The following MTUS2 variants were observed in gnomAD, a reference collection of about 807,000 sequenced individuals.
MTUS2 encodes the protein microtubule-associated tumor suppressor candidate 2.
MTUS2 carries 40 observed loss-of-function variants against 114.1 expected under a neutral mutation model. The observed-to-expected ratio is 0.35, with a 90% CI of 0.27 to 0.46. The LOEUF (loss-of-function observed/expected upper bound fraction) is 0.46, where lower values mean the gene tolerates loss of function less well. Among genes scored for constraint, MTUS2 ranks in the 20% least tolerant of loss-of-function variants. The pLI is 1.00. For synonymous variants in MTUS2, 688 were observed against 672.0 expected, an observed-to-expected ratio of 1.02 and a Z score of -0.37; for missense variants, 1,679 against 1,705.4, an observed-to-expected ratio of 0.98 and a Z score of 0.27.
At chr13:28,902,622 T>A (rs1879711449) in intron 2 of MTUS2, among the ~76,000 whole-genome samples, 1 of 152,186 alleles carries the variant, frequency 6.6e-6, no homozygotes, top group African/African-American at 2.4e-5. Flanking sequence ...TATAGTGGAT[T>A]ACATTGATTG....
intron 7 of MTUS2, among the ~76,000 whole-genome samples, chr13:29,346,612 G>GCGGGACTTTCAGT (rs1336084469): frequency 6.9e-5 from 2 of 28,858 alleles, no homozygotes; most frequent in Non-Finnish European, 1.3e-4. Context: ...GCTGAGAAAG[G>GCGGGACTTTCAGT]TTTCACGTCT....
chr13:29,342,617 G>A (rs769482665), intron 7 of MTUS2, among the ~76,000 whole-genome samples: 3 of 152,066 alleles, frequency 2.0e-5, no homozygotes, highest in Non-Finnish European at 4.4e-5. Context: ...GCGACAGTTT[G>A]ACTTTCTCTT....
chr13:29,107,379 T>A (rs150455116), intron 5 of MTUS2, among the ~76,000 whole-genome samples: 1 of 152,164 alleles, frequency 6.6e-6, no homozygotes. Flanking sequence ...ATAGAAACTT[T>A]TTCTCTTATG....
chr13:29,253,531 A>G (rs1897196914), intron 5 of MTUS2, among the ~76,000 whole-genome samples: 1 of 152,154 alleles, frequency 6.6e-6, no homozygotes, highest in Admixed American at 6.6e-5. Flanking sequence ...CCTCCAGCCC[A>G]GCGTCTGTCC....
intron 6 of MTUS2, among the ~76,000 whole-genome samples, chr13:29,314,369 A>G (rs998424711): frequency 2.6e-5 from 4 of 152,346 alleles, no homozygotes; most frequent in South Asian, 2.1e-4. Context: ...CAAGGCAGCT[A>G]TTAAACCCAG....
intron 7 of MTUS2, among the ~76,000 whole-genome samples, chr13:29,336,075 G>T (rs1463293882): frequency 6.6e-6 from 1 of 152,124 alleles, no homozygotes; most frequent in Non-Finnish European, 1.5e-5. Flanking sequence ...ATTCTAGTTA[G>T]CAATTCCTCT....
intron 6 of MTUS2, among the ~76,000 whole-genome samples, chr13:29,305,094 C>G (rs900530401): frequency 2.6e-5 from 4 of 152,024 alleles, no homozygotes; most frequent in African/African-American, 4.8e-5. Context: ...CTAATGAGAA[C>G]AAAGAGGCAA....
At chr13:29,287,120 G>A (rs552895363) in intron 6 of MTUS2, among the ~76,000 whole-genome samples, 77 of 152,340 alleles carry the variant, frequency 5.1e-4, no homozygotes, top group African/African-American at 1.8e-3. Flanking sequence ...GAAACGAGTT[G>A]TCCAAGGTCA....
chr13:28,870,897 A>T (rs945738427), intron 2 of MTUS2, among the ~76,000 whole-genome samples: 1 of 152,194 alleles, frequency 6.6e-6, no homozygotes, highest in African/African-American at 2.4e-5. Context: ...GCCTCTATTT[A>T]TAAATTTATG....
intron 9 of MTUS2, among the ~76,000 whole-genome samples, chr13:29,441,770 A>G (rs941150673): frequency 4.6e-5 from 7 of 152,044 alleles, no homozygotes; most frequent in African/African-American, 1.7e-4. Context: ...GCATGCACAC[A>G]TTGTACATGT....
intron 5 of MTUS2, among the ~76,000 whole-genome samples, chr13:29,133,114 A>G (rs1371087011): frequency 4.6e-5 from 7 of 151,906 alleles, no homozygotes; most frequent in African/African-American, 1.7e-4. Context: ...CATAATGATT[A>G]GTGAGGTTGA....
intron 8 of MTUS2, among the ~76,000 whole-genome samples, chr13:29,416,481 C>CAT (rs1269045289): frequency 2.7e-5 from 4 of 150,398 alleles, no homozygotes; most frequent in East Asian, 3.9e-4. Context: ...TTATGTATAG[C>CAT]ATATATATAT....
Position 28,876,613 on chromosome 13 carries a change from A to G in MTUS2, c.-243+36763A>G, listed in dbSNP as rs1487523478. Among the ~76,000 whole-genome samples, 9 of 152,078 alleles carry G rather than the reference A, an allele frequency of 5.9e-5. No individual in the cohort carries two copies. In the East Asian group the frequency reaches 1.7e-3, roughly 29 times the overall value. On this transcript the variant is annotated intron_variant, in intron 2 of 15. Transcript: ENST00000612955. ...TCCAAAAGTGTCCATGAAAGTTATCACCCTCTTTGTGGGTCTTTGGCCTAG... is the reference window on the plus strand; with the variant it reads ...TCCAAAAGTGTCCATGAAAGTTATCGCCCTCTTTGTGGGTCTTTGGCCTAG...
At chr13:29,236,227 C>T (rs2139378511) in intron 5 of MTUS2, among the ~76,000 whole-genome samples, 1 of 152,256 alleles carries the variant, frequency 6.6e-6, no homozygotes, top group East Asian at 1.9e-4. Context: ...TTTATAGCGT[C>T]TTCTGTTGAG....
At chr13:29,098,959 A>C (rs1890294371) in intron 4 of MTUS2, among the ~76,000 whole-genome samples, 1 of 152,218 alleles carries the variant, frequency 6.6e-6, no homozygotes, top group Admixed American at 6.5e-5. Context: ...AGTGTAATGG[A>C]TTTAGAGTAT....
chr13:29,329,650 T>C (rs1359284596), intron 7 of MTUS2, among the ~76,000 whole-genome samples: 1 of 148,924 alleles, frequency 6.7e-6, no homozygotes, highest in Non-Finnish European at 1.5e-5. Flanking sequence ...AGTCTCACTC[T>C]GTTGCCAGGC....
chr13:29,123,482 C>G (rs184976740), intron 5 of MTUS2, among the ~76,000 whole-genome samples: 1 of 151,986 alleles, frequency 6.6e-6, no homozygotes, highest in Admixed American at 6.6e-5. Context: ...TTTGGGAGGC[C>G]GAGAATAGCG....
intron 4 of MTUS2, among the ~76,000 whole-genome samples, chr13:29,065,855 C>A (rs934117130): frequency 2.0e-5 from 3 of 152,134 alleles, no homozygotes; most frequent in African/African-American, 7.2e-5. Context: ...GTTAAAAGTA[C>A]TGAATGAAAG....
At chr13:29,173,204 A>G (rs1242888335) in intron 5 of MTUS2, among the ~76,000 whole-genome samples, 1 of 152,022 alleles carries the variant, frequency 6.6e-6, no homozygotes, top group Non-Finnish European at 1.5e-5. Flanking sequence ...TTTTTGAGTC[A>G]TCTGTTCTAC....
Sources: gnomAD v4.1 joint callset for allele counts (sites outside exome capture counted in the v4.1 genomes callset) on GRCh38, gnomAD v4.1.1 for gene constraint, MANE v1.5 for transcripts, NCBI Gene and HGNC (gene_info 2026-07-23, HGNC 2026-07-21) for gene names.